DNAH17: variants seen among roughly 807,000 people sequenced by gnomAD.
DNAH17 encodes the protein dynein axonemal heavy chain 17, also known as axonemal beta dynein heavy chain 17.
DNAH17 carries 376 observed loss-of-function variants against 485.6 expected under a neutral mutation model. The observed-to-expected ratio is 0.77, with a 90% confidence interval of 0.71 to 0.84. The LOEUF (loss-of-function observed/expected upper bound fraction) is 0.84. Ranked by LOEUF, DNAH17 falls within the 40% of genes least tolerant of loss-of-function variation. The pLI is 0.00. For missense variants in DNAH17, 6,370 were observed against 5,839.3 expected (o/e 1.09, Z -2.96); for synonymous variants, 3,031 against 2,405.9 (o/e 1.26, Z -7.60).
Position 78,507,067 on chromosome 17 carries a change from G to T in DNAH17, c.4676+211C>A, listed in dbSNP as rs545349691. On this transcript the variant is annotated intron_variant, in intron 29 of 80. Coordinates refer to ENST00000389840, the MANE Select transcript of DNAH17 (RefSeq NM_173628.4). Reference sequence around the variant, plus strand: ...CAAGAGGGAGCATCATTTATTCTCCGGGTCATTGCTTCCTTCAAGGCCAAG... The same window carrying T: ...CAAGAGGGAGCATCATTTATTCTCCTGGTCATTGCTTCCTTCAAGGCCAAG... Among the ~76,000 whole-genome samples the T allele has an allele frequency of 7.9e-5, 12 of 152,290 alleles. 1 individual carries two copies. Among genetic ancestry groups the T allele is most frequent in the South Asian group, 4.1e-4 (2 of 4,828 alleles).
In DNAH17 at chr17:78,574,909, T is replaced by A. The variant is rs1847536467; in HGVS notation, c.149A>T (p.Gln50Leu). ...FTEFFEKPDV[Q>L]VLVLTLNAAG... Reference sequence around the variant, plus strand: ...TGCATTGAGCGTCAGCACCAGCACCTGGACGTCGGGCTTTTCAAAGAACTC... The same window carrying A: ...TGCATTGAGCGTCAGCACCAGCACCAGGACGTCGGGCTTTTCAAAGAACTC... The change falls in exon 2 of 81, where the codon CAG becomes CTG. Residue 50 changes from glutamine to leucine, a missense_variant. Gln to Leu is a moderately radical substitution (Grantham distance 113). Coordinates refer to ENST00000389840, the MANE Select transcript of DNAH17 (RefSeq NM_173628.4). The A allele has an allele frequency of 1.2e-6, 2 of 1,613,900 alleles. No individual in the cohort carries two copies. The highest frequency in any genetic ancestry group is 3.3e-5 in the Admixed American group (2 of 60,002).
Position 78,535,677 on chromosome 17 carries a change from C to T in DNAH17, c.2859+1622G>A, listed in dbSNP as rs953224023. ...GCATGAGAGGAAACGCCTGCAGCCA[C>T]ATCCCTCTCCCCTCCCCTCCTTCCT... On this transcript the variant is annotated intron_variant, in intron 19 of 80. Transcript: ENST00000389840. 3.3e-5 allele frequency among the ~76,000 whole-genome samples: 5 copies of T among 152,224 alleles called. No homozygotes were observed. The East Asian group carries it at 5.8e-4, about 18-fold the overall frequency.
At chr17:78,508,719 G>A (rs936976912) in intron 27 of DNAH17, among the ~76,000 whole-genome samples, 1 of 152,098 alleles carries the variant, frequency 6.6e-6, no homozygotes, top group Non-Finnish European at 1.5e-5. Context: ...AAAGGGGTAG[G>A]GGATGATGGC....
chr17:78,431,859 G>A (rs600850), intron 75 of DNAH17, among the ~76,000 whole-genome samples: 21,642 of 152,054 alleles, frequency 0.14, 1,683 homozygotes, highest in Middle Eastern at 0.2. Context: ...AATGGGCAAC[G>A]GCTAAGGAAA....
In DNAH17 at chr17:78,423,871, GC is replaced by G. The variant is rs1342641821; in HGVS notation, c.*34del. 13 of 1,611,164 alleles carry G rather than the reference GC, an allele frequency of 8.1e-6. No individual in the cohort carries two copies. In the East Asian group the frequency reaches 2.7e-4, roughly 33 times the overall value. The stretch of plus-strand genomic sequence containing the variant: ...AGGTGAAGGGCTGAGTTGTGGTCCA[GC>G]CCCAGGGAGTGTGGGCTGTGAGGCA... On this transcript the variant is annotated 3_prime_UTR_variant, in exon 81 of 81. Transcript: ENST00000389840.
intron 54 of DNAH17, among the ~76,000 whole-genome samples, chr17:78,470,633 G>A (rs918395356): frequency 1.3e-5 from 2 of 152,160 alleles, no homozygotes; most frequent in African/African-American, 4.8e-5. Context: ...AGGTTGCAGT[G>A]AGCCGATATT....
rs773116551 is a variant in DNAH17, at chr17:78,441,217, C to T, written c.11529-18G>A. 7.0e-5 allele frequency: 113 copies of T among 1,613,054 alleles called. No individual in the cohort carries two copies. The highest frequency in any genetic ancestry group is 8.6e-5 in the Non-Finnish European group (101 of 1,179,552). On this transcript the variant is annotated intron_variant, in intron 71 of 80. Coordinates refer to ENST00000389840, the MANE Select transcript of DNAH17 (RefSeq NM_173628.4). ...CGAAGTTCCTAGGGGTGGAGTGCAT[C>T]AGAGGCAGCGGAACCTGAGGCTCTG... is the stretch of plus-strand genomic sequence containing the variant.
At chr17:78,426,895 C>T (rs747202307) in intron 78 of DNAH17, 31 bp downstream of exon 78, 25 of 1,574,758 alleles carry the variant, frequency 1.6e-5, no homozygotes, top group Middle Eastern at 1.7e-4. Flanking sequence ...CATCCAGCCA[C>T]GTCCCTGGGG....
chr17:78,553,301 TTTTTTTTTTTTTTTTTTTA>T lies in DNAH17; in HGVS notation c.2179-515_2179-497del, dbSNP rs1196392336. Among the ~76,000 whole-genome samples, 23 of 72,716 alleles carry T rather than the reference TTTTTTTTTTTTTTTTTTTA, an allele frequency of 3.2e-4. 1 individual carries two copies. Among genetic ancestry groups the T allele is most frequent in the East Asian group, 1.2e-3 (3 of 2,568 alleles). 47.7% of individuals were successfully genotyped at this position (72,716 alleles called of 152,430 possible). ...TTTTTGTGTTTTTTTTTTTTTTTTT[TTTTTTTTTTTTTTTTTTTA>T]AGATGGAGTCTCACTCTGTCACCCA... is the stretch of plus-strand genomic sequence containing the variant. On this transcript the variant is annotated intron_variant, in intron 14 of 80. Coordinates refer to ENST00000389840, the MANE Select transcript of DNAH17 (RefSeq NM_173628.4).
At chr17:78,557,172 C>A (rs1389723055) in intron 14 of DNAH17, among the ~76,000 whole-genome samples, 1 of 152,204 alleles carries the variant, frequency 6.6e-6, no homozygotes, top group Non-Finnish European at 1.5e-5. Flanking sequence ...ACCTCCTAGC[C>A]CCTCACACAC....
intron 75 of DNAH17, 56 bp downstream of exon 75, chr17:78,433,973 G>C: frequency 1.4e-6 from 2 of 1,424,608 alleles, no homozygotes; most frequent in Non-Finnish European, 1.9e-6. Context: ...AGGAGGGAGG[G>C]AAGGAGGGAA....
At chr17:78,459,759 G>A (rs2088001422) in intron 60 of DNAH17, 25 bp downstream of exon 60, 3 of 1,612,472 alleles carry the variant, frequency 1.9e-6, no homozygotes, top group East Asian at 4.5e-5. Flanking sequence ...GGAAGCCCCG[G>A]CTACGAGGCC....
intron 30 of DNAH17, 124 bp downstream of exon 30, chr17:78,506,596 C>T: frequency 7.0e-7 from 1 of 1,427,708 alleles, no homozygotes; most frequent in Non-Finnish European, 9.5e-7. Context: ...CAGAGGGCCT[C>T]CTGGAGATGA....
intron 77 of DNAH17, among the ~76,000 whole-genome samples, chr17:78,427,799 G>T (rs1321725292): frequency 6.6e-6 from 1 of 152,076 alleles, no homozygotes; most frequent in East Asian, 1.9e-4. Flanking sequence ...TGGTGAAACT[G>T]TCTCTACCAC....
At chr17:78,466,911 G>C in intron 55 of DNAH17, 95 bp from the exon 56 acceptor site, 1 of 1,350,064 alleles carries the variant, frequency 7.4e-7, no homozygotes, top group Non-Finnish European at 9.8e-7. Flanking sequence ...AAAGCAACGC[G>C]CCCTGCCGGG....
chr17:78,473,871 C>T lies in DNAH17; in HGVS notation c.8511+1407G>A, dbSNP rs75626847. 2.2e-4 allele frequency among the ~76,000 whole-genome samples: 34 copies of T among 152,098 alleles called. No homozygotes were observed. In the East Asian group the frequency reaches 5.2e-3, roughly 23 times the overall value. Reference sequence around the variant, plus strand: ...CAGGTTCAAATGACACTTGAGTGGCCGCAGATACCAATGTGAACTAACTCC... The same window carrying T: ...CAGGTTCAAATGACACTTGAGTGGCTGCAGATACCAATGTGAACTAACTCC... On this transcript the variant is annotated intron_variant, in intron 54 of 80. Transcript: ENST00000389840.
At chr17:78,542,592 T>C (rs2091626375) in intron 17 of DNAH17, among the ~76,000 whole-genome samples, 1 of 152,192 alleles carries the variant, frequency 6.6e-6, no homozygotes. Flanking sequence ...TACAATACAA[T>C]GTCAGGACTC....
intron 14 of DNAH17, among the ~76,000 whole-genome samples, chr17:78,554,853 TCTC>T (rs2091986264): frequency 6.6e-6 from 1 of 152,218 alleles, no homozygotes; most frequent in African/African-American, 2.4e-5. Context: ...TTCAAGCGAT[TCTC>T]CTGTCTCAGC....
Position 78,519,117 on chromosome 17 carries a change from A to G in DNAH17, c.3865-4095T>C, listed in dbSNP as rs973782648. 9.5e-5 allele frequency among the ~76,000 whole-genome samples: 14 copies of G among 146,680 alleles called. No individual in the cohort carries two copies. The East Asian group carries it at 1.2e-3, about 13-fold the overall frequency. ...CAGGAGGTGGAGCTTACAGTGAGCCAAGATAGCGCCACTGCAGTCTGGCCT... is the reference window on the plus strand; with the variant it reads ...CAGGAGGTGGAGCTTACAGTGAGCCGAGATAGCGCCACTGCAGTCTGGCCT... On this transcript the variant is annotated intron_variant, in intron 25 of 80. Coordinates refer to ENST00000389840, the MANE Select transcript of DNAH17 (RefSeq NM_173628.4).
Sources: allele counts gnomAD v4.1 joint callset (sites outside exome capture counted in the v4.1 genomes callset), GRCh38; gene constraint gnomAD v4.1.1; transcripts MANE v1.5; gene names NCBI Gene and HGNC (gene_info 2026-07-23, HGNC 2026-07-21).